Variants in PCDHA11 observed in about 807,000 individuals in gnomAD.
PCDHA11 encodes the protein protocadherin alpha-11.
Under a neutral mutation model 70.3 loss-of-function variants are expected in PCDHA11, and 61 were observed. The ratio of observed to expected loss-of-function variants is 0.87; its 90% confidence interval spans 0.71 to 1.07. PCDHA11 has a LOEUF of 1.07. PCDHA11 is among the 50% of genes least tolerant of loss of function. The probability of loss-of-function intolerance (pLI) is 0.00; values close to 1 mark genes in which losing one functional copy is unlikely to be tolerated. For missense variants in PCDHA11, 1,324 were observed against 1,237.5 expected (o/e 1.07, Z -1.05); for synonymous variants, 633 against 555.1 (o/e 1.14, Z -1.97).
intron 3 of PCDHA11, among the ~76,000 whole-genome samples, chr5:140,985,692 C>T (rs1208331191): frequency 6.6e-6 from 1 of 151,060 alleles, no homozygotes; most frequent in Non-Finnish European, 1.5e-5. Flanking sequence ...CGCTAATCCT[C>T]GTTCATATGT....
At chr5:140,966,790 T>C in intron 1 of PCDHA11, 1 of 1,529,556 alleles carries the variant, frequency 6.5e-7, no homozygotes, top group Non-Finnish European at 8.8e-7. Context: ...GCACCAGACC[T>C]GCGGCGACAG....
Position 140,869,517 on chromosome 5 carries a change from A to G in PCDHA11, c.414A>G (p.Gln138=). ...DNPPVFSLRE[Q]KLLIAESKQS... ...CGCCGGTGTTCTCGCTCAGAGAACA[A>G]AAGCTGCTGATTGCGGAATCTAAGC... Residue 138 remains glutamine, a synonymous_variant, in exon 1 of 4, where the codon CAA becomes CAG. Transcript: ENST00000398640. 6.2e-7 allele frequency: 1 copy of G among 1,614,200 alleles called. No homozygotes were observed. The highest frequency in any genetic ancestry group is 8.5e-7 in the Non-Finnish European group (1 of 1,180,032).
chr5:140,983,221 A>G (rs1178098444), intron 3 of PCDHA11, among the ~76,000 whole-genome samples: 1 of 152,196 alleles, frequency 6.6e-6, no homozygotes, highest in Non-Finnish European at 1.5e-5. Context: ...TCCTAATCCA[A>G]ACTTTCAGGA....
At position 140,869,327 on chromosome 5, in the gene PCDHA11, T is replaced by A; in HGVS notation, c.224T>A (p.Leu75Gln). ...RVASKTHGDL[L>Q]EVNLQNGILF... Reference sequence around the variant, plus strand: ...GCGTCCAAAACACATGGGGACCTTCTGGAGGTAAATCTGCAGAATGGCATT... The same window carrying A: ...GCGTCCAAAACACATGGGGACCTTCAGGAGGTAAATCTGCAGAATGGCATT... The change falls in exon 1 of 4, where the codon CTG becomes CAG. Residue 75 changes from leucine to glutamine, a missense_variant. Leu to Gln is a moderately radical substitution (Grantham distance 113). Coordinates refer to ENST00000398640, the MANE Select transcript of PCDHA11 (RefSeq NM_018902.5). 6.2e-7 allele frequency: 1 copy of A among 1,613,922 alleles called. No homozygotes were observed. Among genetic ancestry groups the A allele is most frequent in the Middle Eastern group, 1.7e-4 (1 of 5,926 alleles).
At chr5:141,005,978 G>C (rs1226619772) in intron 3 of PCDHA11, among the ~76,000 whole-genome samples, 2 of 151,936 alleles carry the variant, frequency 1.3e-5, no homozygotes, top group African/African-American at 4.8e-5. Context: ...CAATTCCAAA[G>C]AGTGTTTGAG....
intron 1 of PCDHA11, among the ~76,000 whole-genome samples, chr5:140,888,064 G>A (rs1353857736): frequency 6.6e-6 from 1 of 151,950 alleles, no homozygotes; most frequent in Non-Finnish European, 1.5e-5. Context: ...TAACTTTCTT[G>A]TCTGCTAATT....
chr5:140,948,517 C>A (rs2094265494), intron 1 of PCDHA11, among the ~76,000 whole-genome samples: 1 of 151,496 alleles, frequency 6.6e-6, no homozygotes. Flanking sequence ...AAAATGTTAA[C>A]ACTATTTATA....
chr5:140,961,343 T>C (rs2095605708), intron 1 of PCDHA11, among the ~76,000 whole-genome samples: 1 of 152,210 alleles, frequency 6.6e-6, no homozygotes, highest in South Asian at 2.1e-4. Flanking sequence ...CAAGAGTGGA[T>C]CCCTGTAGTC....
intron 1 of PCDHA11, chr5:140,882,064 C>G (rs1277765660): frequency 1.1e-5 from 9 of 831,034 alleles, no homozygotes; most frequent in Non-Finnish European, 1.6e-5. Context: ...CTTACACGTT[C>G]ATGCGCATGG....
chr5:140,929,164 GC>G (rs781931769), intron 1 of PCDHA11: 2 of 1,614,150 alleles, frequency 1.2e-6, no homozygotes, highest in Non-Finnish European at 1.7e-6. Context: ...TCTCTATCGG[GC>G]CTCTCTGGGA....
At position 140,982,581 on chromosome 5, in the gene PCDHA11, C is replaced by G. The variant is rs782060139; in HGVS notation, c.2539+18C>G. 6.2e-7 allele frequency: 1 copy of G among 1,612,214 alleles called. No homozygotes were observed. The highest frequency in any genetic ancestry group is 1.1e-5 in the South Asian group (1 of 90,796). The stretch of plus-strand genomic sequence containing the variant: ...AACACCAGGTAAAGAGCTGGGGTCT[C>G]TCCATTCTTTCTTGGTTTCTGGAAA... On this transcript the variant is annotated intron_variant, in intron 3 of 3. Transcript: ENST00000398640.
intron 1 of PCDHA11, among the ~76,000 whole-genome samples, chr5:140,941,194 TCTTTCTTCCTTTCTTTCTTCCTTTC>T (rs1257521577): frequency 8.9e-6 from 1 of 112,354 alleles, no homozygotes; most frequent in Admixed American, 9.1e-5. Context: ...TCTTTTTTTT[TCTTTCTTCCTTTCTTTCTTCCTTTC>T]TTTCTTTCTT....
chr5:140,967,433 C>A, intron 1 of PCDHA11: 1 of 1,613,500 alleles, frequency 6.2e-7, no homozygotes, highest in Non-Finnish European at 8.5e-7. Context: ...GGCAGCCTTG[C>A]ACCACCTGGT....
chr5:140,884,512 G>T (rs782026771), intron 1 of PCDHA11: 1 of 1,614,202 alleles, frequency 6.2e-7, no homozygotes, highest in South Asian at 1.1e-5. Flanking sequence ...CAGGGAGTTG[G>T]TCGTACTCGC....
At chr5:140,966,267 G>T (rs141363782) in intron 1 of PCDHA11, 112 of 351,092 alleles carry the variant, frequency 3.2e-4, no homozygotes, top group Non-Finnish European at 4.7e-4. Context: ...GAGACTGGAT[G>T]AACTGGACAG....
intron 1 of PCDHA11, among the ~76,000 whole-genome samples, chr5:140,947,543 G>T (rs1013985097): frequency 6.6e-5 from 10 of 151,548 alleles, no homozygotes; most frequent in Non-Finnish European, 1.2e-4. Flanking sequence ...TTTCTACAAA[G>T]AATTCCGCTG....
In PCDHA11 at chr5:141,009,694, A is replaced by G. The variant is rs782798367; in HGVS notation, c.2607A>G (p.Lys869=). The part of the protein sequence containing the change: ...AGVNSNSWTF[K]YGPGNPKQSG... ...TCAACAGCAACAGCTGGACCTTTAA[A>G]TACGGACCAGGCAACCCCAAACAAT... is the stretch of plus-strand genomic sequence containing the variant. The change falls in exon 4 of 4, where the codon AAA becomes AAG. Residue 869 remains lysine (K), a synonymous_variant. Transcript: ENST00000398640. 5 of 1,613,890 alleles carry G rather than the reference A, an allele frequency of 3.1e-6. No homozygotes were observed. In the Admixed American group the frequency reaches 6.7e-5, roughly 22 times the overall value.
At chr5:140,985,936 T>C (rs1379150817) in intron 3 of PCDHA11, among the ~76,000 whole-genome samples, 3 of 152,038 alleles carry the variant, frequency 2.0e-5, no homozygotes, top group Non-Finnish European at 2.9e-5. Context: ...AGCCGGGGTT[T>C]CACTGTGTTA....
At chr5:140,877,990 T>C in intron 1 of PCDHA11, 1 of 1,127,766 alleles carries the variant, frequency 8.9e-7, no homozygotes. Flanking sequence ...TTTTGAACTT[T>C]TATGTATTTG....
Sources: gnomAD v4.1 joint callset for allele counts (sites outside exome capture counted in the v4.1 genomes callset) on GRCh38, gnomAD v4.1.1 for gene constraint, MANE v1.5 for transcripts, NCBI Gene and HGNC (gene_info 2026-07-23, HGNC 2026-07-21) for gene names.